Variants in BRSK2 observed in about 807,000 individuals in gnomAD.
BRSK2 encodes BR serine/threonine kinase 2.
In BRSK2, 19 loss-of-function variants were observed where a neutral mutation model predicts 83.3. That is an observed-to-expected ratio of 0.23 (90% CI 0.16 to 0.33). The LOEUF is 0.33. Ranked by LOEUF, BRSK2 falls within the 10% of genes least tolerant of loss-of-function variation. BRSK2 has a pLI of 1.00. For synonymous variants in BRSK2, 519 were observed against 435.4 expected, an observed-to-expected ratio of 1.19 and a Z score of -2.39; for missense variants, 798 against 1,042.3, an observed-to-expected ratio of 0.77 and a Z score of 3.23.
At chr11:1,426,391 A>C (rs1183163378) in intron 1 of BRSK2, among the ~76,000 whole-genome samples, 1 of 152,122 alleles carries the variant, frequency 6.6e-6, no homozygotes, top group Non-Finnish European at 1.5e-5. Flanking sequence ...CGGCCCCTCC[A>C]GGGGAAAGAA....
Position 1,454,326 on chromosome 11 carries a change from T to TA in BRSK2, c.1545-159_1545-158insA. 2 of 817,848 alleles carry TA rather than the reference T, an allele frequency of 2.4e-6. No homozygotes were observed. Among genetic ancestry groups the TA allele is most frequent in the Non-Finnish European group, 3.9e-6 (2 of 508,372 alleles). 50.7% of individuals were successfully genotyped at this position (817,848 alleles called of 1,614,324 possible). ...GGCATATGGGCTAGGGTTAGGGCGT[T>TA]GGGGTCAGGGCCATGGGTTCTGGCT... On this transcript the variant is annotated intron_variant, in intron 15 of 19. Coordinates refer to ENST00000528841, the MANE Select transcript of BRSK2 (RefSeq NM_001256627.2). The surrounding 1 kb of genome is among the most constrained non-coding windows in gnomAD (Gnocchi z 5.2).
chr11:1,459,398 G>T, intron 19 of BRSK2, 159 bp downstream of exon 19: 1 of 799,114 alleles, frequency 1.3e-6, no homozygotes, highest in Non-Finnish European at 2.1e-6. Context: ...CCTCTACCAG[G>T]AGCAGCCCAG....
Position 1,391,997 on chromosome 11 carries a change from G to C in BRSK2, c.91+1622G>C, listed in dbSNP as rs1845757238. Among the ~76,000 whole-genome samples, 2 of 152,146 alleles carry C rather than the reference G, an allele frequency of 1.3e-5. 1 individual carries two copies. Among genetic ancestry groups the C allele is most frequent in the Admixed American group, 1.3e-4 (2 of 15,284 alleles). ...GGGCTGTGTGTGTCTACAACGTGCT[G>C]AGAGAGATATTTAGAAAACAGCTCG... On this transcript the variant is annotated intron_variant, in intron 1 of 19. Coordinates refer to ENST00000528841, the MANE Select transcript of BRSK2 (RefSeq NM_001256627.2).
At position 1,445,340 on chromosome 11, in the gene BRSK2, G is replaced by A. The variant is rs771432906; in HGVS notation, c.859G>A (p.Val287Met). The A allele has an allele frequency of 2.5e-6, 4 of 1,611,762 alleles. 1 individual carries two copies. The South Asian group carries it at 3.3e-5, about 13-fold the overall frequency. ...PEPEQPIPRKVQIRSLPSLED... is the reference protein window; with the variant it reads ...PEPEQPIPRKMQIRSLPSLED... ...ACCAGAGCAGCCCATTCCTCGCAAG[G>A]TGCAGATCCGCTCGCTGCCCAGCCT... The change falls in exon 10 of 20, where the codon GTG (valine) becomes ATG (methionine). Residue 287 changes from valine to methionine, a missense_variant. Physicochemically the swap from Val to Met is conservative, Grantham distance 21. Coordinates refer to ENST00000528841, the MANE Select transcript of BRSK2 (RefSeq NM_001256627.2).
In BRSK2 at chr11:1,390,313, C is replaced by T; in HGVS notation, c.29C>T (p.Ala10Val). 1.9e-6 allele frequency: 2 copies of T among 1,045,826 alleles called. No individual in the cohort carries two copies. Among genetic ancestry groups the T allele is most frequent in the Non-Finnish European group, 2.3e-6 (2 of 859,394 alleles). The allele number at this position is 1,045,826 out of a possible 1,614,324, so 64.8% of individuals were successfully genotyped here. A position where few individuals can be genotyped will look rare whatever the true frequency, so the allele number is the denominator to read the frequency against. MTSTGKDGGAQHAQYVGPYR... is the reference protein window; with the variant it reads MTSTGKDGGVQHAQYVGPYR... ...ACATCGACGGGGAAGGACGGCGGCG[C>T]GCAGCACGCGCAGTATGTTGGGCCC... is the stretch of plus-strand genomic sequence containing the variant. Residue 10 changes from alanine (A) to valine (V), a missense_variant, in exon 1 of 20, where the codon GCG becomes GTG. Ala to Val is a moderately conservative substitution (Grantham distance 64). Around this residue, in one of 6 missense-constraint regions of BRSK2, gnomAD observed 33 missense variants for 30.8 expected, o/e 1.07. Coordinates refer to ENST00000528841, the MANE Select transcript of BRSK2 (RefSeq NM_001256627.2). The surrounding 1 kb of genome is among the most constrained non-coding windows in gnomAD (Gnocchi z 6.8).
At chr11:1,444,375 CG>C (rs1179371142) in intron 8 of BRSK2, among the ~76,000 whole-genome samples, 2 of 152,166 alleles carry the variant, frequency 1.3e-5, no homozygotes, top group Non-Finnish European at 2.9e-5. Context: ...TCCAGGGTAG[CG>C]TTGACCTGTT....
chr11:1,452,780 CTTA>C (rs1303020356), intron 15 of BRSK2, among the ~76,000 whole-genome samples: 1 of 152,172 alleles, frequency 6.6e-6, no homozygotes, highest in African/African-American at 2.4e-5. Context: ...TGTGACAGCC[CTTA>C]TTGAGGGTCC....
intron 16 of BRSK2, among the ~76,000 whole-genome samples, chr11:1,455,224 C>T (rs1846343255): frequency 6.6e-6 from 1 of 152,070 alleles, no homozygotes; most frequent in African/African-American, 2.4e-5. Context: ...ACTCCAGCAC[C>T]CAGTCCCATC....
intron 18 of BRSK2, 150 bp from the exon 19 acceptor site, chr11:1,459,042 T>TG: frequency 1.5e-6 from 1 of 681,664 alleles, no homozygotes. Flanking sequence ...CCTCTGGCTC[T>TG]GGCCCCCCCA....
intron 1 of BRSK2, among the ~76,000 whole-genome samples, chr11:1,420,766 C>T (rs10833701): frequency 0.26 from 39,669 of 152,192 alleles, 5,327 homozygotes; most frequent in South Asian, 0.4. Context: ...CTGGGGGACT[C>T]CTCTGGTTAC....
At chr11:1,426,918 A>T (rs1039155546) in intron 1 of BRSK2, among the ~76,000 whole-genome samples, 45 of 152,122 alleles carry the variant, frequency 3.0e-4, no homozygotes. Context: ...CTGGGTCTGC[A>T]TGCGGGAGAT....
rs958085146 is a variant in BRSK2, at chr11:1,461,108, C to T, written c.*385C>T. 3.9e-5 allele frequency: 57 copies of T among 1,449,792 alleles called. No homozygotes were observed. The East Asian group carries it at 6.0e-4, about 15-fold the overall frequency. 89.8% of individuals were successfully genotyped at this position (1,449,792 alleles called of 1,614,324 possible). On this transcript the variant is annotated 3_prime_UTR_variant, in exon 20 of 20. Transcript: ENST00000528841. ...GCCCAGCCCAGCGCCCCGTCCACCCCGCGGCAGCTCCTCGCCTCAGCTCCG... is the reference window on the plus strand; with the variant it reads ...GCCCAGCCCAGCGCCCCGTCCACCCTGCGGCAGCTCCTCGCCTCAGCTCCG...
chr11:1,410,620 CTG>C (rs1375655314), intron 1 of BRSK2: 2 of 985,320 alleles, frequency 2.0e-6, no homozygotes, highest in African/African-American at 3.5e-5. Context: ...AGGGCTCACA[CTG>C]TGTCTTTGAG....
chr11:1,460,247 A>G (rs1847254673), intron 19 of BRSK2, among the ~76,000 whole-genome samples: 1 of 152,008 alleles, frequency 6.6e-6, no homozygotes, highest in African/African-American at 2.4e-5. Flanking sequence ...CACGGCGCAC[A>G]GCTTCCCCAC....
intron 5 of BRSK2, 67 bp from the exon 6 acceptor site, chr11:1,443,039 C>T: frequency 6.7e-7 from 1 of 1,500,668 alleles, no homozygotes; most frequent in Non-Finnish European, 8.9e-7. Flanking sequence ...TGCGGTGCAC[C>T]ATCACCCTGG....
At chr11:1,416,523 TC>T (rs1190157109) in intron 1 of BRSK2, among the ~76,000 whole-genome samples, 2 of 152,124 alleles carry the variant, frequency 1.3e-5, no homozygotes, top group South Asian at 2.1e-4. Flanking sequence ...TCCAACACGT[TC>T]CCCCGGCTTT....
At chr11:1,440,549 T>TCACCC (rs1270591903) in intron 3 of BRSK2, among the ~76,000 whole-genome samples, 8 of 148,430 alleles carry the variant, frequency 5.4e-5, no homozygotes, top group Admixed American at 1.3e-4. Flanking sequence ...CCCTCCACCC[T>TCACCC]CACCCCACCC....
chr11:1,396,067 A>G (rs1390840908), intron 1 of BRSK2, among the ~76,000 whole-genome samples: 1 of 152,096 alleles, frequency 6.6e-6, no homozygotes, highest in Admixed American at 6.5e-5. Flanking sequence ...CTGGGTCCCC[A>G]CCATCGTTGG....
At chr11:1,450,456 C>T (rs1414332288) in intron 13 of BRSK2, 131 bp from the exon 14 acceptor site, 5 of 585,270 alleles carry the variant, frequency 8.5e-6, no homozygotes, top group Admixed American at 3.6e-5. Flanking sequence ...GCCAGCACCC[C>T]AGCCCGGCCT....
Sources: gnomAD v4.1 joint callset for allele counts (sites outside exome capture counted in the v4.1 genomes callset) on GRCh38, gnomAD v4.1.1 for gene constraint, gnomAD v4.1.1 regional missense constraint, Gnocchi (gnomAD v3.1) non-coding constraint, MANE v1.5 for transcripts, NCBI Gene and HGNC (gene_info 2026-07-23, HGNC 2026-07-21) for gene names.